Variants in FLT1 observed in about 807,000 individuals in gnomAD.
The protein encoded by FLT1 is vascular endothelial growth factor receptor 1.
FLT1 carries 49 observed loss-of-function variants against 156.3 expected under a neutral mutation model. The ratio of observed to expected loss-of-function variants is 0.31; its 90% CI spans 0.25 to 0.40. The LOEUF (loss-of-function observed/expected upper bound fraction) is 0.40, where lower values mean the gene tolerates loss of function less well. Ranked by LOEUF, FLT1 falls within the 10% of genes least tolerant of loss-of-function variation. The pLI is 1.00. For synonymous variants in FLT1, 594 were observed against 583.8 expected (o/e 1.02, Z -0.25); for missense variants, 1,322 against 1,637.2 (o/e 0.81, Z 3.32).
At chr13:28,381,225 A>G (rs1874066941) in intron 14 of FLT1, among the ~76,000 whole-genome samples, 1 of 152,208 alleles carries the variant, frequency 6.6e-6, no homozygotes, top group Non-Finnish European at 1.5e-5. Context: ...CTTTCATAAA[A>G]TGGATTTTGT....
At chr13:28,409,351 T>C (rs2137500618) in intron 10 of FLT1, among the ~76,000 whole-genome samples, 1 of 150,050 alleles carries the variant, frequency 6.7e-6, no homozygotes, top group Non-Finnish European at 1.5e-5. Context: ...CTTTCTTTCT[T>C]TCTTTTTTTT....
At chr13:28,469,894 C>G (rs1238124314) in intron 1 of FLT1, among the ~76,000 whole-genome samples, 1 of 152,036 alleles carries the variant, frequency 6.6e-6, no homozygotes, top group Non-Finnish European at 1.5e-5. Flanking sequence ...GCTGGGACTA[C>G]AGGTGCGCAT....
At chr13:28,323,394 G>A (rs1054355152) in intron 20 of FLT1, among the ~76,000 whole-genome samples, 1 of 152,202 alleles carries the variant, frequency 6.6e-6, no homozygotes, top group African/African-American at 2.4e-5. Flanking sequence ...GCTCACGCCT[G>A]TAATCCCAGC....
At chr13:28,463,949 A>G (rs1030762005) in intron 3 of FLT1, among the ~76,000 whole-genome samples, 3 of 152,220 alleles carry the variant, frequency 2.0e-5, no homozygotes, top group African/African-American at 7.2e-5. Context: ...ATAACAAAAT[A>G]GATGTTACTG....
chr13:28,344,639 A>ATGAT (rs1872489395), intron 16 of FLT1, among the ~76,000 whole-genome samples: 1 of 152,036 alleles, frequency 6.6e-6, no homozygotes, highest in African/African-American at 2.4e-5. Flanking sequence ...CATATTACAG[A>ATGAT]CCTAAGTATA....
At chr13:28,426,983 A>G (rs1038994823) in intron 10 of FLT1, among the ~76,000 whole-genome samples, 176 bp downstream of exon 10, 1 of 152,188 alleles carries the variant, frequency 6.6e-6, no homozygotes, top group Non-Finnish European at 1.5e-5. Context: ...GTGATAGGGT[A>G]TATTCAGTAA....
intron 1 of FLT1, among the ~76,000 whole-genome samples, chr13:28,478,006 G>GT (rs1380679781): frequency 6.6e-6 from 1 of 152,146 alleles, no homozygotes; most frequent in East Asian, 1.9e-4. Flanking sequence ...TTTTAAATTA[G>GT]TTTGTTAATT....
At chr13:28,482,118 A>G (rs189776520) in intron 1 of FLT1, among the ~76,000 whole-genome samples, 8 of 152,340 alleles carry the variant, frequency 5.3e-5, no homozygotes, top group Admixed American at 4.6e-4. Flanking sequence ...GGAGAATTAA[A>G]TTTAATATGG....
At chr13:28,453,607 A>T (rs1035891407) in intron 3 of FLT1, among the ~76,000 whole-genome samples, 5 of 152,100 alleles carry the variant, frequency 3.3e-5, no homozygotes, top group African/African-American at 1.2e-4. Flanking sequence ...TTCCTGTTAA[A>T]TCTCATTTTG....
intron 11 of FLT1, chr13:28,399,085 G>A (rs1875258362): frequency 1.3e-6 from 2 of 1,551,308 alleles, no homozygotes. Context: ...AAGCTTGTAG[G>A]TGGCAACATG....
chr13:28,474,103 C>T (rs942613182), intron 1 of FLT1, among the ~76,000 whole-genome samples: 2 of 152,118 alleles, frequency 1.3e-5, no homozygotes, highest in African/African-American at 2.4e-5. Context: ...TCTCCTTGAT[C>T]TCAAGCTTCC....
At chr13:28,310,554 G>A (rs1345336225) in intron 27 of FLT1, among the ~76,000 whole-genome samples, 1 of 152,176 alleles carries the variant, frequency 6.6e-6, no homozygotes, top group Non-Finnish European at 1.5e-5. Context: ...ACTTGTCTGT[G>A]TAACCGTCAT....
intron 1 of FLT1, among the ~76,000 whole-genome samples, chr13:28,486,898 C>T (rs963764522): frequency 6.6e-5 from 10 of 151,902 alleles, no homozygotes; most frequent in African/African-American, 2.4e-4. Flanking sequence ...AAACTGGCCC[C>T]TGGGCAGAGG....
chr13:28,326,040 A>G (rs1871665666), intron 20 of FLT1, among the ~76,000 whole-genome samples: 1 of 152,090 alleles, frequency 6.6e-6, no homozygotes, highest in Non-Finnish European at 1.5e-5. Flanking sequence ...TGGATTTCAG[A>G]CATTTTATCC....
chr13:28,344,116 A>G (rs974937858), intron 16 of FLT1, among the ~76,000 whole-genome samples: 2 of 151,824 alleles, frequency 1.3e-5, no homozygotes, highest in Admixed American at 1.3e-4. Flanking sequence ...TTAGTCTAAC[A>G]TAGCTTTCTT....
chr13:28,471,764 A>C (rs1880193137), intron 1 of FLT1, among the ~76,000 whole-genome samples: 1 of 152,226 alleles, frequency 6.6e-6, no homozygotes, highest in Admixed American at 6.5e-5. Flanking sequence ...ATCTGATTTA[A>C]AAGAATGATT....
chr13:28,327,711 T>C (rs1871742325), intron 19 of FLT1, among the ~76,000 whole-genome samples, 161 bp from the exon 20 acceptor site: 1 of 148,448 alleles, frequency 6.7e-6, no homozygotes, highest in African/African-American at 2.5e-5. Context: ...ACGGTGACTT[T>C]TTCAGTTTAA....
chr13:28,400,704 G>C (rs1339097232), intron 11 of FLT1, among the ~76,000 whole-genome samples: 1 of 152,118 alleles, frequency 6.6e-6, no homozygotes, highest in African/African-American at 2.4e-5. Context: ...AACGAAAATA[G>C]CATCACAGTT....
chr13:28,400,485 T>G (rs560884573), intron 11 of FLT1, among the ~76,000 whole-genome samples: 1 of 152,332 alleles, frequency 6.6e-6, no homozygotes, highest in East Asian at 1.9e-4. Flanking sequence ...CATTTTCTCA[T>G]TAAAAATAAA....
Sources: gnomAD v4.1 joint callset for allele counts (sites outside exome capture counted in the v4.1 genomes callset) on GRCh38, gnomAD v4.1.1 for gene constraint, MANE v1.5 for transcripts, NCBI Gene and HGNC (gene_info 2026-07-23, HGNC 2026-07-21) for gene names.